The following RBFOX1 variants were observed in gnomAD, a reference collection of about 807,000 sequenced individuals.
The protein encoded by RBFOX1 is RNA binding protein fox-1 homolog 1.
In RBFOX1, 8 loss-of-function variants were observed where a neutral mutation model predicts 57.7. The observed-to-expected ratio is 0.14, with a 90% CI of 0.08 to 0.25. The LOEUF is 0.25. Ranked by LOEUF, RBFOX1 falls within the 10% of genes least tolerant of loss-of-function variation. The probability of loss-of-function intolerance (pLI) is 1.00; values close to 1 mark genes in which losing one functional copy is unlikely to be tolerated. For missense variants in RBFOX1, 611 were observed against 548.5 expected, an observed-to-expected ratio of 1.11 and a Z score of -1.14; for synonymous variants, 326 against 222.4, an observed-to-expected ratio of 1.47 and a Z score of -4.15.
chr16:6,459,892 G>A (rs1447741363), intron 2 of RBFOX1, among the ~76,000 whole-genome samples: 1 of 147,590 alleles, frequency 6.8e-6, no homozygotes, highest in Non-Finnish European at 1.5e-5. Flanking sequence ...GCTGAGGCAG[G>A]AGAATAGCTT....
intron 4 of RBFOX1, among the ~76,000 whole-genome samples, chr16:7,440,583 T>G (rs2098758226): frequency 6.6e-6 from 1 of 152,172 alleles, no homozygotes; most frequent in South Asian, 2.1e-4. Flanking sequence ...CCTGTTGTGA[T>G]TTTCATACTT....
chr16:6,390,141 G>C (rs950291653), intron 2 of RBFOX1, among the ~76,000 whole-genome samples: 8 of 152,200 alleles, frequency 5.3e-5, no homozygotes, highest in African/African-American at 1.9e-4. Flanking sequence ...TTAATTAGAA[G>C]GTTTGCAGTT....
At chr16:7,369,973 C>T (rs184388630) in intron 4 of RBFOX1, among the ~76,000 whole-genome samples, 1 of 152,140 alleles carries the variant, frequency 6.6e-6, no homozygotes, top group Non-Finnish European at 1.5e-5. Context: ...TGTGTCAGAG[C>T]CTTGAGCTAG....
intron 2 of RBFOX1, among the ~76,000 whole-genome samples, chr16:5,469,100 G>A (rs1415857612): frequency 2.0e-5 from 3 of 152,178 alleles, no homozygotes; most frequent in African/African-American, 4.8e-5. Flanking sequence ...TACTAGAGCG[G>A]GCAAGCTCTG....
At chr16:5,833,708 T>C (rs1014953236) in intron 3 of RBFOX1, among the ~76,000 whole-genome samples, 7 of 152,154 alleles carry the variant, frequency 4.6e-5, no homozygotes, top group Non-Finnish European at 7.3e-5. Flanking sequence ...AAATGTCTCA[T>C]GTTGGCACAT....
At chr16:6,961,720 C>T (rs28689193) in intron 3 of RBFOX1, among the ~76,000 whole-genome samples, 92,833 of 151,782 alleles carry the variant, frequency 0.61, 28,501 homozygotes, top group Non-Finnish European at 0.63. Flanking sequence ...CACCTTTAGA[C>T]CATATAGGGT....
At chr16:7,438,714 A>C (rs1190935854) in intron 4 of RBFOX1, among the ~76,000 whole-genome samples, 1 of 152,192 alleles carries the variant, frequency 6.6e-6, no homozygotes, top group Non-Finnish European at 1.5e-5. Context: ...GAGGGTTTCC[A>C]TTTCATCTTT....
At chr16:6,349,225 A>T (rs1478808553) in intron 2 of RBFOX1, among the ~76,000 whole-genome samples, 1 of 152,186 alleles carries the variant, frequency 6.6e-6, no homozygotes, top group African/African-American at 2.4e-5. Context: ...TGCCCTTCAG[A>T]ACTCAAAGCA....
intron 2 of RBFOX1, among the ~76,000 whole-genome samples, chr16:6,553,521 C>G (rs2097031755): frequency 6.6e-6 from 1 of 152,216 alleles, no homozygotes; most frequent in Non-Finnish European, 1.5e-5. Flanking sequence ...ACATGCACCT[C>G]AAACCTACCA....
chr16:5,937,820 G>A (rs924770161), intron 4 of RBFOX1, among the ~76,000 whole-genome samples: 3 of 149,860 alleles, frequency 2.0e-5, no homozygotes, highest in African/African-American at 7.3e-5. Flanking sequence ...ACAAATATAT[G>A]TTCATAGTAT....
At chr16:5,714,051 C>G (rs1265495783) in intron 3 of RBFOX1, among the ~76,000 whole-genome samples, 6 of 152,142 alleles carry the variant, frequency 3.9e-5, no homozygotes, top group Non-Finnish European at 8.8e-5. Flanking sequence ...AAATATGAGC[C>G]TATGCACTCC....
intron 2 of RBFOX1, among the ~76,000 whole-genome samples, chr16:5,579,273 C>T (rs1332486778): frequency 6.6e-6 from 1 of 152,094 alleles, no homozygotes; most frequent in Non-Finnish European, 1.5e-5. Flanking sequence ...ATGCAGAAAC[C>T]CTCCAGGCAT....
At chr16:6,592,377 C>G (rs1019040333) in intron 2 of RBFOX1, among the ~76,000 whole-genome samples, 5 of 152,086 alleles carry the variant, frequency 3.3e-5, no homozygotes, top group Non-Finnish European at 4.4e-5. Flanking sequence ...TGGATGGGTG[C>G]TTCATAATTA....
At chr16:7,182,100 C>A (rs2082836462) in intron 4 of RBFOX1, among the ~76,000 whole-genome samples, 1 of 152,138 alleles carries the variant, frequency 6.6e-6, no homozygotes, top group African/African-American at 2.4e-5. Flanking sequence ...CATGACAGTT[C>A]TTTAGTCATT....
In RBFOX1 at chr16:7,098,821, G is replaced by A. The variant is rs549284978; in HGVS notation, c.27+46723G>A. On this transcript the variant is annotated intron_variant, in intron 4 of 15. Coordinates refer to ENST00000550418, the MANE Select transcript of RBFOX1 (RefSeq NM_018723.4). ...AAATAAATAAATAATAATTAAAATC[G>A]TGGTCTTTCTAGTGAGGCACAGCTA... Among the ~76,000 whole-genome samples, 53 of 152,142 alleles carry A rather than the reference G, an allele frequency of 3.5e-4. No homozygotes were observed. In the Middle Eastern group the frequency reaches 0.01, roughly 29 times the overall value.
chr16:6,424,725 G>T (rs1361945746), intron 2 of RBFOX1, among the ~76,000 whole-genome samples: 1 of 152,024 alleles, frequency 6.6e-6, no homozygotes, highest in African/African-American at 2.4e-5. Context: ...CAACCTCAAT[G>T]TTCAACTATA....
chr16:6,932,491 G>A (rs2076722921), intron 3 of RBFOX1, among the ~76,000 whole-genome samples: 1 of 152,088 alleles, frequency 6.6e-6, no homozygotes, highest in African/African-American at 2.4e-5. Context: ...TAAAACCATA[G>A]CCCTTCTTGA....
At chr16:5,656,121 A>G (rs1383016482) in intron 3 of RBFOX1, among the ~76,000 whole-genome samples, 1 of 152,202 alleles carries the variant, frequency 6.6e-6, no homozygotes, top group Non-Finnish European at 1.5e-5. Flanking sequence ...AGTAACTTGA[A>G]TGATTTGGGG....
chr16:7,322,343 G>A (rs971872323), intron 4 of RBFOX1, among the ~76,000 whole-genome samples: 1 of 152,230 alleles, frequency 6.6e-6, no homozygotes, highest in African/African-American at 2.4e-5. Flanking sequence ...CCAAGCTGTG[G>A]TGAATGCTGA....
Sources: gnomAD v4.1 joint callset for allele counts (sites outside exome capture counted in the v4.1 genomes callset) on GRCh38, gnomAD v4.1.1 for gene constraint, MANE v1.5 for transcripts, NCBI Gene and HGNC (gene_info 2026-07-23, HGNC 2026-07-21) for gene names.